The following SCCPDH variants were observed in gnomAD, a reference collection of about 807,000 sequenced individuals.
SCCPDH encodes the protein saccharopine dehydrogenase-like oxidoreductase.
SCCPDH carries 34 observed loss-of-function variants against 51.5 expected under a neutral mutation model. The observed-to-expected ratio is 0.66, with a 90% CI of 0.50 to 0.88. SCCPDH has a LOEUF of 0.88. Among genes scored for constraint, SCCPDH ranks in the 40% least tolerant of loss-of-function variants. SCCPDH has a pLI of 0.00. For synonymous variants in SCCPDH, 187 were observed against 191.3 expected, an observed-to-expected ratio of 0.98 and a Z score of 0.19; for missense variants, 464 against 527.1, an observed-to-expected ratio of 0.88 and a Z score of 1.17.
intron 5 of SCCPDH, among the ~76,000 whole-genome samples, chr1:246,750,427 A>G (rs779449171): frequency 6.6e-6 from 1 of 152,172 alleles, no homozygotes; most frequent in African/African-American, 2.4e-5. Context: ...TCCGAGGGGC[A>G]GTTCAGATTC....
intron 5 of SCCPDH, among the ~76,000 whole-genome samples, chr1:246,745,076 T>C (rs752916124): frequency 1.6e-4 from 25 of 152,252 alleles, no homozygotes; most frequent in Admixed American, 2.6e-4. Flanking sequence ...AGCATAGTTT[T>C]ATCATGCGCC....
intron 2 of SCCPDH, among the ~76,000 whole-genome samples, chr1:246,727,481 G>T (rs972644904): frequency 1.3e-5 from 2 of 152,174 alleles, no homozygotes; most frequent in Middle Eastern, 3.2e-3. Flanking sequence ...ACACAATGGT[G>T]AACAAAACAG....
rs771150077 is a variant in SCCPDH at position 246,758,293 on chromosome 1, G to C, written c.632G>C (p.Arg211Thr). The change falls in exon 6 of 12, where the codon AGA (arginine) becomes ACA (threonine). Residue 211 changes from arginine (R) to threonine (T), a missense_variant. By Grantham distance (71) the Arg-to-Thr change is moderately conservative. Transcript: ENST00000366510. Reference sequence around the variant, plus strand: ...GGTTTTGGAGATCAGAGTAATTTGAGAAAACTAAGAAATGTATCAAATCTG... The same window carrying C: ...GGTTTTGGAGATCAGAGTAATTTGACAAAACTAAGAAATGTATCAAATCTG... ...IYGFGDQSNL[R>T]KLRNVSNLKP... is the part of the protein sequence containing the mutation. 6.2e-7 allele frequency: 1 copy of C among 1,610,118 alleles called. No individual in the cohort carries two copies. The highest frequency in any genetic ancestry group is 1.7e-5 in the Admixed American group (1 of 59,432).
intron 2 of SCCPDH, among the ~76,000 whole-genome samples, chr1:246,730,677 A>G (rs1203270921): frequency 6.6e-6 from 1 of 152,206 alleles, no homozygotes; most frequent in Non-Finnish European, 1.5e-5. Context: ...AACATGGATA[A>G]AAGTTCTGAT....
Position 246,759,139 on chromosome 1 carries a change from A to G in SCCPDH, c.801A>G (p.Leu267=). ...CTCAACGTTACTTGTATGAAAATTT[A>G]GAGGAATCACCAGTAAGTATATATG... ...RRTQRYLYEN[L]EESPVQYAAY... Residue 267 remains leucine (L), a synonymous_variant, in exon 7 of 12, where the codon TTA becomes TTG. Coordinates refer to ENST00000366510, the MANE Select transcript of SCCPDH (RefSeq NM_016002.3). 1 of 1,514,478 alleles carries G rather than the reference A, an allele frequency of 6.6e-7. No individual in the cohort carries two copies. The highest frequency in any genetic ancestry group is 1.1e-5 in the South Asian group (1 of 89,002). The allele number at this position is 1,514,478 out of a possible 1,614,324, so 93.8% of individuals were successfully genotyped here. A position where few individuals can be genotyped will look rare whatever the true frequency, so the allele number is the denominator to read the frequency against.
chr1:246,726,418 A>G (rs961320577), intron 1 of SCCPDH, among the ~76,000 whole-genome samples: 71 of 142,610 alleles, frequency 5.0e-4, no homozygotes, highest in Non-Finnish European at 8.4e-4. Flanking sequence ...TTTTTTTTTT[A>G]GTAGAGACAA....
chr1:246,762,409 T>C (rs1311735801), intron 9 of SCCPDH, among the ~76,000 whole-genome samples: 1 of 152,224 alleles, frequency 6.6e-6, no homozygotes, highest in Non-Finnish European at 1.5e-5. Flanking sequence ...GTAGCATTCC[T>C]ACGGTTTCTT....
At position 246,759,947 on chromosome 1, in the gene SCCPDH, C is replaced by T. The variant is rs1340188995; in HGVS notation, c.814-10C>T. The T allele has an allele frequency of 6.9e-6, 11 of 1,602,396 alleles. No homozygotes were observed. The highest frequency in any genetic ancestry group is 8.5e-6 in the Non-Finnish European group (10 of 1,176,880). Reference sequence around the variant, plus strand: ...AGTAATGTTCTAACTTTGTCTTCTCCATCATCTAGGTTCAGTATGCTGCGT... The same window carrying T: ...AGTAATGTTCTAACTTTGTCTTCTCTATCATCTAGGTTCAGTATGCTGCGT... On this transcript the variant is annotated splice_polypyrimidine_tract_variant and intron_variant, in intron 7 of 11. Transcript: ENST00000366510.
intron 7 of SCCPDH, 40 bp downstream of exon 7, chr1:246,759,191 A>G: frequency 1.9e-6 from 2 of 1,076,248 alleles, no homozygotes; most frequent in Non-Finnish European, 2.9e-6. Context: ...AGTGTGTGTT[A>G]CAGTTCCTCT....
At chr1:246,766,961 A>T (rs970473160) in intron 11 of SCCPDH, among the ~76,000 whole-genome samples, 1 of 152,172 alleles carries the variant, frequency 6.6e-6, no homozygotes, top group African/African-American at 2.4e-5. Flanking sequence ...ATAGAATGGA[A>T]ACAGTATCTC....
At chr1:246,750,932 G>A (rs559307898) in intron 5 of SCCPDH, among the ~76,000 whole-genome samples, 12 of 152,284 alleles carry the variant, frequency 7.9e-5, no homozygotes, top group East Asian at 1.9e-4. Flanking sequence ...CCGTTTGGCC[G>A]GGGTATAAAT....
intron 5 of SCCPDH, among the ~76,000 whole-genome samples, chr1:246,757,103 G>A (rs930703761): frequency 1.3e-5 from 2 of 152,192 alleles, no homozygotes; most frequent in Non-Finnish European, 2.9e-5. Context: ...CAGCACTTTG[G>A]GAGGCCAAGG....
chr1:246,740,876 T>G (rs1572296978), intron 4 of SCCPDH, among the ~76,000 whole-genome samples: 1 of 151,834 alleles, frequency 6.6e-6, no homozygotes, highest in African/African-American at 2.4e-5. Context: ...AGGCCAAGAG[T>G]TCAGGACCAG....
chr1:246,737,872 A>G (rs1668621220), intron 3 of SCCPDH, among the ~76,000 whole-genome samples: 1 of 151,976 alleles, frequency 6.6e-6, no homozygotes, highest in Non-Finnish European at 1.5e-5. Flanking sequence ...GATTACAGGC[A>G]TGAGCCACCA....
At position 246,760,185 on chromosome 1, in the gene SCCPDH, C is replaced by T; in HGVS notation, c.948C>T (p.Phe316=). The change falls in exon 9 of 12, where the codon TTC becomes TTT. Residue 316 remains phenylalanine, a synonymous_variant. Coordinates refer to ENST00000366510, the MANE Select transcript of SCCPDH (RefSeq NM_016002.3). ...RQLLIKFPWF[F]SFGYFSKQGP... ...TTTCCCTTTAGTTCCCATGGTTCTT[C>T]TCCTTTGGCTATTTTTCAAAACAAG... 6.2e-7 allele frequency: 1 copy of T among 1,609,900 alleles called. No individual in the cohort carries two copies. The highest frequency in any genetic ancestry group is 8.5e-7 in the Non-Finnish European group (1 of 1,178,996).
At chr1:246,726,573 A>G (rs1450233519) in intron 1 of SCCPDH, among the ~76,000 whole-genome samples, 1 of 152,186 alleles carries the variant, frequency 6.6e-6, no homozygotes, top group East Asian at 1.9e-4. Context: ...AAGTCTGGAT[A>G]GTTATCTGCT....
intron 2 of SCCPDH, among the ~76,000 whole-genome samples, chr1:246,729,347 A>G (rs771476760): frequency 4.0e-5 from 6 of 148,992 alleles, no homozygotes; most frequent in Non-Finnish European, 9.0e-5. Context: ...ACCAGGGTGT[A>G]TTTCATCCCT....
chr1:246,760,082 T>A lies in SCCPDH; in HGVS notation c.933+6T>A. The stretch of plus-strand genomic sequence containing the variant: ...GAAGGCAACTTCTCATAAAAGTAAG[T>A]AAGATTTTATGAAATTAGATTATTT... On this transcript the variant is annotated splice_donor_region_variant and intron_variant, in intron 8 of 11. Coordinates refer to ENST00000366510, the MANE Select transcript of SCCPDH (RefSeq NM_016002.3). 1 of 1,606,902 alleles carries A rather than the reference T, an allele frequency of 6.2e-7. No individual in the cohort carries two copies.
At chr1:246,729,773 C>T (rs970099891) in intron 2 of SCCPDH, among the ~76,000 whole-genome samples, 4 of 151,596 alleles carry the variant, frequency 2.6e-5, no homozygotes, top group Non-Finnish European at 4.4e-5. Flanking sequence ...GATAAATGTC[C>T]ATGAAATCTT....
Sources: gnomAD v4.1 joint callset for allele counts (sites outside exome capture counted in the v4.1 genomes callset) on GRCh38, gnomAD v4.1.1 for gene constraint, MANE v1.5 for transcripts, NCBI Gene and HGNC (gene_info 2026-07-23, HGNC 2026-07-21) for gene names.